Variants in ROBO2 observed in about 807,000 individuals in gnomAD.
The protein encoded by ROBO2 is roundabout guidance receptor 2.
In ROBO2, 53 loss-of-function variants were observed where a neutral mutation model predicts 160.8. That is an observed-to-expected ratio of 0.33 (90% CI 0.26 to 0.41). ROBO2 has a LOEUF of 0.41. Among genes scored for constraint, ROBO2 ranks in the 10% least tolerant of loss-of-function variants. The pLI, the probability that ROBO2 is intolerant of heterozygous loss-of-function variation, is 1.00. For synonymous variants in ROBO2, 664 were observed against 611.7 expected (o/e 1.09, Z -1.26); for missense variants, 1,577 against 1,722.4 (o/e 0.92, Z 1.49).
chr3:76,758,309 A>C (rs1336950530), intron 2 of ROBO2, among the ~76,000 whole-genome samples: 1 of 151,772 alleles, frequency 6.6e-6, no homozygotes, highest in Non-Finnish European at 1.5e-5. Flanking sequence ...AAGATCTTAA[A>C]GACTAGATGA....
chr3:76,170,942 T>C (rs2073017875), intron 2 of ROBO2, among the ~76,000 whole-genome samples: 2 of 152,192 alleles, frequency 1.3e-5, no homozygotes, highest in South Asian at 4.1e-4. Flanking sequence ...ACCTTCTGTA[T>C]GCCAGGCACT....
intron 24 of ROBO2, among the ~76,000 whole-genome samples, chr3:77,635,386 A>C (rs1286486135): frequency 6.6e-6 from 1 of 152,162 alleles, no homozygotes; most frequent in Non-Finnish European, 1.5e-5. Flanking sequence ...AACTTTTATC[A>C]TATTAAATTA....
chr3:75,925,199 C>T (rs1947239430), intron 1 of ROBO2, among the ~76,000 whole-genome samples: 1 of 151,836 alleles, frequency 6.6e-6, no homozygotes, highest in African/African-American at 2.4e-5. Context: ...TTCAGATCAG[C>T]CCGGGCAACA....
intron 2 of ROBO2, among the ~76,000 whole-genome samples, chr3:77,456,300 ATT>A (rs2153566832): frequency 6.6e-6 from 1 of 152,298 alleles, no homozygotes; most frequent in Admixed American, 6.5e-5. Context: ...GCTGTCTGTA[ATT>A]ATTTATGTTT....
intron 2 of ROBO2, among the ~76,000 whole-genome samples, chr3:77,327,319 G>A (rs999757938): frequency 1.3e-5 from 2 of 152,054 alleles, no homozygotes; most frequent in African/African-American, 4.8e-5. Flanking sequence ...AATTTATTTC[G>A]TTCACAGTGT....
chr3:76,076,236 T>G (rs1018166272), intron 2 of ROBO2, among the ~76,000 whole-genome samples: 21 of 152,208 alleles, frequency 1.4e-4, no homozygotes, highest in African/African-American at 5.1e-4. Flanking sequence ...GTTATGTAAA[T>G]CTATAACCAT....
intron 2 of ROBO2, among the ~76,000 whole-genome samples, chr3:76,969,239 G>T (rs1033062312): frequency 6.6e-6 from 1 of 152,118 alleles, no homozygotes; most frequent in East Asian, 1.9e-4. Flanking sequence ...TATAAAAAAA[G>T]TTAAAAGATT....
In ROBO2 at chr3:77,044,439, T is replaced by C. The variant is rs146112174; in HGVS notation, c.61+3593T>C. Among the ~76,000 whole-genome samples the C allele has an allele frequency of 2.6e-3, 391 of 152,264 alleles. 5 individuals carry two copies. Among genetic ancestry groups the C allele is most frequent in the South Asian group, 0.018 (89 of 4,834 alleles). Reference sequence around the variant, plus strand: ...CGAAGAGTATTAGAAAAAAAGATTATCATCTTATTTACTATTTCTCCTTTT... The same window carrying C: ...CGAAGAGTATTAGAAAAAAAGATTACCATCTTATTTACTATTTCTCCTTTT... On this transcript the variant is annotated intron_variant, in intron 1 of 25. Transcript: ENST00000461745.
chr3:77,015,062 A>G (rs1447422297), intron 2 of ROBO2, among the ~76,000 whole-genome samples: 1 of 152,150 alleles, frequency 6.6e-6, no homozygotes, highest in Non-Finnish European at 1.5e-5. Context: ...TACACATTTA[A>G]GAACAAAAAA....
At position 76,404,423 on chromosome 3, in the gene ROBO2, A is replaced by C. The variant is rs181050782; in HGVS notation, c.109+466821A>C. On this transcript the variant is annotated intron_variant, in intron 2 of 26. Transcript: ENST00000487694. ...AATTTGGAAGAAATACAAGTAGAGA[A>C]AATAAAATGATTATTATGTGCTCTT... Among the ~76,000 whole-genome samples the C allele has an allele frequency of 1.5e-4, 22 of 151,666 alleles. No individual in the cohort carries two copies. In the East Asian group the frequency reaches 2.9e-3, roughly 20 times the overall value.
intron 2 of ROBO2, among the ~76,000 whole-genome samples, chr3:76,624,022 T>G (rs2089429695): frequency 6.6e-6 from 1 of 152,112 alleles, no homozygotes; most frequent in Admixed American, 6.5e-5. Context: ...GGGCTGTTGG[T>G]TTTATACAGA....
intron 2 of ROBO2, among the ~76,000 whole-genome samples, chr3:75,963,859 TTTTTACCCCTTTCCAAATTTTA>T (rs1340173359): frequency 6.6e-6 from 1 of 151,792 alleles, no homozygotes. Flanking sequence ...ACGTAGCTGA[TTTTTACCCCTTTCCAAATTTTA>T]TTTTATATGG....
At chr3:76,935,777 C>T (rs2077659753) in intron 2 of ROBO2, among the ~76,000 whole-genome samples, 2 of 152,134 alleles carry the variant, frequency 1.3e-5, no homozygotes, top group African/African-American at 4.8e-5. Context: ...CTTCAGGGAT[C>T]ATAGGTGACC....
At chr3:77,246,327 A>ATGTG (rs71104664) in intron 2 of ROBO2, among the ~76,000 whole-genome samples, 69,670 of 145,600 alleles carry the variant, frequency 0.48, 16,463 homozygotes, top group East Asian at 0.5. Context: ...GTGTATGTGT[A>ATGTG]TGTGTGTGTG....
intron 2 of ROBO2, among the ~76,000 whole-genome samples, chr3:76,371,298 A>T (rs1293676130): frequency 2.6e-5 from 4 of 151,996 alleles, no homozygotes; most frequent in Admixed American, 1.3e-4. Flanking sequence ...TGCACATAAA[A>T]ATATCTTAAT....
intron 2 of ROBO2, among the ~76,000 whole-genome samples, chr3:76,102,588 A>C (rs1295813391): frequency 6.6e-6 from 1 of 152,230 alleles, no homozygotes; most frequent in African/African-American, 2.4e-5. Context: ...TACAGTAAGG[A>C]ATTCTCAGAG....
At chr3:76,505,265 A>AT (rs1217459774) in intron 2 of ROBO2, among the ~76,000 whole-genome samples, 1 of 152,052 alleles carries the variant, frequency 6.6e-6, no homozygotes, top group Non-Finnish European at 1.5e-5. Context: ...GATTAGTTAG[A>AT]TTTTCTGGAA....
intron 2 of ROBO2, among the ~76,000 whole-genome samples, chr3:76,680,857 C>G (rs921808028): frequency 6.6e-6 from 1 of 152,074 alleles, no homozygotes; most frequent in Non-Finnish European, 1.5e-5. Context: ...CTCACTACAG[C>G]CTCTGCTTCC....
At chr3:77,351,240 GA>G (rs368791427) in intron 2 of ROBO2, among the ~76,000 whole-genome samples, 1,667 of 151,500 alleles carry the variant, frequency 0.011, 17 homozygotes, top group Middle Eastern at 0.017. Flanking sequence ...TAATTTTAGG[GA>G]AAAAAAAGAG....
Sources: gnomAD v4.1 joint callset for allele counts (sites outside exome capture counted in the v4.1 genomes callset) on GRCh38, gnomAD v4.1.1 for gene constraint, MANE v1.5 for transcripts, NCBI Gene and HGNC (gene_info 2026-07-23, HGNC 2026-07-21) for gene names.